Variants in ATXN7L1 observed in about 807,000 individuals in gnomAD.
ATXN7L1 encodes ataxin-7-like protein 1.
In ATXN7L1, 15 loss-of-function variants were observed where a neutral mutation model predicts 70.8. The ratio of observed to expected loss-of-function variants is 0.21; its 90% CI spans 0.14 to 0.33. ATXN7L1 has a LOEUF of 0.33. Among genes scored for constraint, ATXN7L1 ranks in the 10% least tolerant of loss-of-function variants. The pLI, the probability that ATXN7L1 is intolerant of heterozygous loss-of-function variation, is 1.00. For missense variants in ATXN7L1, 975 were observed against 1,097.1 expected (o/e 0.89, Z 1.57); for synonymous variants, 440 against 445.1 (o/e 0.99, Z 0.14).
chr7:105,680,015 C>T (rs1359534164), intron 3 of ATXN7L1, among the ~76,000 whole-genome samples: 1 of 150,648 alleles, frequency 6.6e-6, no homozygotes, highest in Non-Finnish European at 1.5e-5. Context: ...CTTTGCAAAA[C>T]CTGGTTATTA....
chr7:105,642,360 C>T (rs1360501136), intron 5 of ATXN7L1, among the ~76,000 whole-genome samples: 4 of 152,196 alleles, frequency 2.6e-5, no homozygotes, highest in South Asian at 2.1e-4. Context: ...TGGAAACTCC[C>T]GAGGCCAAAG....
At chr7:105,768,278 T>C (rs1254239470) in intron 3 of ATXN7L1, among the ~76,000 whole-genome samples, 1 of 152,234 alleles carries the variant, frequency 6.6e-6, no homozygotes, top group Admixed American at 6.5e-5. Flanking sequence ...ATAACCACCA[T>C]ACCCATTCCA....
intron 2 of ATXN7L1, among the ~76,000 whole-genome samples, chr7:105,805,675 G>A (rs1807469368): frequency 1.3e-5 from 2 of 152,202 alleles, no homozygotes; most frequent in Admixed American, 1.3e-4. Context: ...GGCAGGGAGA[G>A]CTTCACCAGG....
chr7:105,729,317 A>G (rs1050078224), intron 3 of ATXN7L1, among the ~76,000 whole-genome samples: 1 of 151,910 alleles, frequency 6.6e-6, no homozygotes, highest in Non-Finnish European at 1.5e-5. Flanking sequence ...ATAAATAAAT[A>G]AATAAATAAA....
intron 3 of ATXN7L1, among the ~76,000 whole-genome samples, chr7:105,719,814 G>A (rs943407131): frequency 2.6e-5 from 4 of 152,182 alleles, no homozygotes; most frequent in East Asian, 1.9e-4. Context: ...AGCAGTGAGC[G>A]TTCCTTTTGG....
intron 9 of ATXN7L1, among the ~76,000 whole-genome samples, chr7:105,615,307 C>CACT (rs1793716083): frequency 6.6e-6 from 1 of 152,186 alleles, no homozygotes; most frequent in South Asian, 2.1e-4. Context: ...CCTCTCCACC[C>CACT]ACTCCAGCTT....
chr7:105,799,306 C>T (rs567484748), intron 2 of ATXN7L1, among the ~76,000 whole-genome samples: 1 of 152,314 alleles, frequency 6.6e-6, no homozygotes, highest in African/African-American at 2.4e-5. Context: ...ATGAAAATGC[C>T]CACTCCAGAA....
At chr7:105,666,039 G>A (rs1802560833) in intron 3 of ATXN7L1, among the ~76,000 whole-genome samples, 1 of 152,214 alleles carries the variant, frequency 6.6e-6, no homozygotes, top group South Asian at 2.1e-4. Context: ...CTGTGCTTTC[G>A]ACTGAATGGG....
chr7:105,813,333 C>T (rs1808706765), intron 2 of ATXN7L1, among the ~76,000 whole-genome samples: 1 of 131,720 alleles, frequency 7.6e-6, no homozygotes, highest in African/African-American at 2.9e-5. Context: ...TCACAATCTA[C>T]AATTTTTTTT....
At chr7:105,790,809 GCCT>G (rs1405654397) in intron 2 of ATXN7L1, among the ~76,000 whole-genome samples, 1 of 152,028 alleles carries the variant, frequency 6.6e-6, no homozygotes, top group East Asian at 1.9e-4. Flanking sequence ...CCTCCGCACT[GCCT>G]CCTTTTAGCT....
At chr7:105,860,162 T>TATATATAC (rs1342683957) in intron 2 of ATXN7L1, among the ~76,000 whole-genome samples, 8 of 135,810 alleles carry the variant, frequency 5.9e-5, no homozygotes, top group Middle Eastern at 3.9e-3. Flanking sequence ...TATATATATA[T>TATATATAC]ATATATGAAA....
intron 7 of ATXN7L1, among the ~76,000 whole-genome samples, chr7:105,633,043 T>C (rs926095217): frequency 9.9e-5 from 15 of 151,336 alleles, no homozygotes; most frequent in African/African-American, 3.6e-4. Flanking sequence ...AGAAAAATAT[T>C]AAACTTCTTG....
At chr7:105,817,861 G>A (rs970496873) in intron 2 of ATXN7L1, among the ~76,000 whole-genome samples, 3 of 152,212 alleles carry the variant, frequency 2.0e-5, no homozygotes, top group Admixed American at 2.0e-4. Flanking sequence ...GGAGTTCCAG[G>A]TTACGGTGAG....
chr7:105,832,977 C>G (rs1563129560), intron 2 of ATXN7L1, among the ~76,000 whole-genome samples: 1 of 152,204 alleles, frequency 6.6e-6, no homozygotes, highest in Non-Finnish European at 1.5e-5. Context: ...CCCAGAAGAG[C>G]AGATTCTCCA....
At chr7:105,872,864 G>A (rs540523692) in intron 2 of ATXN7L1, among the ~76,000 whole-genome samples, 19 of 151,554 alleles carry the variant, frequency 1.3e-4, no homozygotes, top group South Asian at 4.2e-4. Context: ...CATCAAAATC[G>A]GAACCACCCG....
chr7:105,606,906 C>T lies in ATXN7L1; in HGVS notation c.*946G>A, dbSNP rs749155588. ...AAGAACCTTTAGCAGCTGTGGTCAC[C>T]GTGCCTCCTCATGGAGTGGCTTTCT... is the stretch of plus-strand genomic sequence containing the variant. On this transcript the variant is annotated 3_prime_UTR_variant, in exon 12 of 12. Transcript: ENST00000419735. 2.0e-5 allele frequency: 3 copies of T among 152,234 alleles called. No individual in the cohort carries two copies. The highest frequency in any genetic ancestry group is 2.9e-5 in the Non-Finnish European group (2 of 68,070). The allele number at this position is 152,234 out of a possible 1,614,324, so 9.4% of individuals were successfully genotyped here. A position where few individuals can be genotyped will look rare whatever the true frequency, so the allele number is the denominator to read the frequency against.
chr7:105,759,003 CT>C (rs772893256), intron 3 of ATXN7L1, among the ~76,000 whole-genome samples: 4 of 152,094 alleles, frequency 2.6e-5, no homozygotes, highest in Non-Finnish European at 4.4e-5. Context: ...CAAATCCTTT[CT>C]TTGAACCATT....
chr7:105,694,544 T>C (rs58568368), intron 3 of ATXN7L1, among the ~76,000 whole-genome samples: 2 of 152,180 alleles, frequency 1.3e-5, no homozygotes, highest in Admixed American at 6.5e-5. Flanking sequence ...CCTGTGACTT[T>C]CCCAAGTTAC....
chr7:105,697,339 C>T (rs200426179), intron 3 of ATXN7L1, among the ~76,000 whole-genome samples: 2 of 152,180 alleles, frequency 1.3e-5, no homozygotes, highest in South Asian at 4.1e-4. Context: ...AGACCTACCC[C>T]CCTAGGTGCA....
Sources: gnomAD v4.1 joint callset for allele counts (sites outside exome capture counted in the v4.1 genomes callset) on GRCh38, gnomAD v4.1.1 for gene constraint, MANE v1.5 for transcripts, NCBI Gene and HGNC (gene_info 2026-07-23, HGNC 2026-07-21) for gene names.